The following RALGAPB variants were observed in gnomAD, a reference collection of about 807,000 sequenced individuals.
RALGAPB encodes the protein ral GTPase-activating protein subunit beta.
A neutral mutation model predicts 161.1 loss-of-function variants in RALGAPB; 25 were observed. The observed-to-expected ratio is 0.16, with a 90% CI of 0.11 to 0.22. The LOEUF is 0.22. RALGAPB is among the 10% of genes least tolerant of loss of function. The pLI, the probability that RALGAPB is intolerant of heterozygous loss-of-function variation, is 1.00. For synonymous variants in RALGAPB, 629 were observed against 626.1 expected, an observed-to-expected ratio of 1.00 and a Z score of -0.07; for missense variants, 1,391 against 1,815.2, an observed-to-expected ratio of 0.77 and a Z score of 4.25.
intron 23 of RALGAPB, among the ~76,000 whole-genome samples, chr20:38,559,989 C>T (rs971699884): frequency 7.2e-5 from 11 of 152,118 alleles, no homozygotes; most frequent in African/African-American, 2.7e-4. Flanking sequence ...TTAAGACAAT[C>T]AGCTAATCAA....
intron 5 of RALGAPB, among the ~76,000 whole-genome samples, chr20:38,503,170 T>C (rs1426582879): frequency 1.3e-5 from 2 of 152,264 alleles, no homozygotes; most frequent in East Asian, 3.8e-4. Flanking sequence ...ATTGTAAGAA[T>C]ACCATATATA....
intron 5 of RALGAPB, 60 bp downstream of exon 5, chr20:38,499,693 C>T (rs2085522330): frequency 1.4e-6 from 2 of 1,476,298 alleles, no homozygotes; most frequent in East Asian, 2.4e-5. Context: ...AGCTTTCTGG[C>T]ATTCATGGAA....
intron 5 of RALGAPB, chr20:38,500,003 A>G (rs1213456803): frequency 6.5e-6 from 1 of 153,934 alleles, no homozygotes; most frequent in Non-Finnish European, 1.4e-5. Context: ...GTATATTTAT[A>G]TATAATTTTA....
rs905767445 is a variant in RALGAPB at position 38,525,641 on chromosome 20, A to C, written c.1902+123A>C. On this transcript the variant is annotated intron_variant, in intron 12 of 29. Transcript: ENST00000262879. Reference sequence around the variant, plus strand: ...TTTTTCAATTCAAGTTATTTCATCAAGTTATTTCAAGTGAATTAACAAAGT... The same window carrying C: ...TTTTTCAATTCAAGTTATTTCATCACGTTATTTCAAGTGAATTAACAAAGT... The C allele has an allele frequency of 1.0e-5, 9 of 866,460 alleles. No individual in the cohort carries two copies. In the African/African-American group the frequency reaches 1.4e-4, roughly 13 times the overall value. The allele number at this position is 866,460 out of a possible 1,614,324, so 53.7% of individuals were successfully genotyped here.
At chr20:38,511,337 A>AT (rs2085944308) in intron 6 of RALGAPB, among the ~76,000 whole-genome samples, 1 of 145,196 alleles carries the variant, frequency 6.9e-6, no homozygotes, top group African/African-American at 2.5e-5. Flanking sequence ...TTTTTTTTTA[A>AT]TTTTTTTAGT....
intron 3 of RALGAPB, among the ~76,000 whole-genome samples, chr20:38,493,931 G>C (rs572542673): frequency 2.2e-4 from 34 of 152,214 alleles, no homozygotes; most frequent in South Asian, 4.1e-4. Flanking sequence ...AGACTCGTAA[G>C]TCAGACATTC....
At chr20:38,549,545 A>ATATATATATAT (rs1338350565) in intron 20 of RALGAPB, among the ~76,000 whole-genome samples, 1 of 121,912 alleles carries the variant, frequency 8.2e-6, no homozygotes, top group African/African-American at 2.8e-5. Context: ...AAAAAAAAAA[A>ATATATATATAT]AAAAATATAT....
At chr20:38,496,455 T>C (rs1037249609) in intron 3 of RALGAPB, among the ~76,000 whole-genome samples, 6 of 152,190 alleles carry the variant, frequency 3.9e-5, no homozygotes, top group East Asian at 1.9e-4. Flanking sequence ...TTTTCAGTAA[T>C]ATTAGATACT....
At chr20:38,537,277 A>G (rs1318838731) in intron 16 of RALGAPB, among the ~76,000 whole-genome samples, 1 of 152,098 alleles carries the variant, frequency 6.6e-6, no homozygotes, top group Non-Finnish European at 1.5e-5. Context: ...CTATAAAACA[A>G]TTGGATAGTC....
chr20:38,506,581 A>T (rs1482501472), intron 5 of RALGAPB, among the ~76,000 whole-genome samples: 1 of 152,168 alleles, frequency 6.6e-6, no homozygotes, highest in African/African-American at 2.4e-5. Context: ...GGCCTGAGTG[A>T]CCACGCCTGG....
chr20:38,499,336 C>G, intron 4 of RALGAPB, 111 bp from the exon 5 acceptor site: 5 of 1,006,860 alleles, frequency 5.0e-6, no homozygotes, highest in Non-Finnish European at 7.3e-6. Context: ...AAAGTCAAAA[C>G]TTAATATTGC....
chr20:38,515,938 A>G (rs907372820), intron 6 of RALGAPB, among the ~76,000 whole-genome samples: 6 of 152,156 alleles, frequency 3.9e-5, no homozygotes, highest in African/African-American at 9.7e-5. Context: ...GCATCTATGT[A>G]TACTCTCAAA....
At chr20:38,481,965 T>A (rs2084982993) in intron 1 of RALGAPB, among the ~76,000 whole-genome samples, 1 of 152,014 alleles carries the variant, frequency 6.6e-6, no homozygotes, top group Non-Finnish European at 1.5e-5. Flanking sequence ...AAACTACAGT[T>A]GACTCTCGTA....
intron 29 of RALGAPB, 49 bp from the exon 30 acceptor site, chr20:38,574,725 C>T (rs1350750430): frequency 5.9e-6 from 9 of 1,516,648 alleles, no homozygotes; most frequent in Admixed American, 1.7e-5. Context: ...AGTTCACCTA[C>T]GTAAGTGACT....
intron 1 of RALGAPB, among the ~76,000 whole-genome samples, chr20:38,483,305 G>A (rs959540787): frequency 1.3e-5 from 2 of 152,186 alleles, no homozygotes; most frequent in African/African-American, 4.8e-5. Context: ...ATGAAGCCTA[G>A]TTCCAGAGCA....
rs1237667885 is a variant in RALGAPB, at chr20:38,509,749, G to A, written c.872+541G>A. ...ACTTGTCCCTCTTCCAGCCCCATCTGTGTGCTCTGTAGAACATTTATTCTG... is the reference window on the plus strand; with the variant it reads ...ACTTGTCCCTCTTCCAGCCCCATCTATGTGCTCTGTAGAACATTTATTCTG... On this transcript the variant is annotated intron_variant, in intron 6 of 29. Coordinates refer to ENST00000262879, the MANE Select transcript of RALGAPB (RefSeq NM_020336.4). Among the ~76,000 whole-genome samples the A allele has an allele frequency of 2.0e-5, 3 of 152,130 alleles. No individual in the cohort carries two copies. The East Asian group carries it at 5.8e-4, about 29-fold the overall frequency.
chr20:38,573,757 A>G (rs535385159), intron 28 of RALGAPB: 1 of 153,178 alleles, frequency 6.5e-6, no homozygotes, highest in South Asian at 2.1e-4. Context: ...CTGGCCGGCC[A>G]CACTTTTGTT....
intron 6 of RALGAPB, among the ~76,000 whole-genome samples, chr20:38,511,684 G>T (rs908001851): frequency 1.3e-5 from 2 of 152,184 alleles, no homozygotes; most frequent in Non-Finnish European, 1.5e-5. Context: ...CAAGGCAGAA[G>T]AATTTTTCTT....
At chr20:38,571,139 A>G (rs542011981) in intron 28 of RALGAPB, among the ~76,000 whole-genome samples, 2 of 152,176 alleles carry the variant, frequency 1.3e-5, no homozygotes, top group Non-Finnish European at 2.9e-5. Flanking sequence ...TGAAACCATC[A>G]CAGCAATCTA....
Sources: gnomAD v4.1 joint callset for allele counts (sites outside exome capture counted in the v4.1 genomes callset) on GRCh38, gnomAD v4.1.1 for gene constraint, MANE v1.5 for transcripts, NCBI Gene and HGNC (gene_info 2026-07-23, HGNC 2026-07-21) for gene names.